Variants in PIK3R3 observed in about 807,000 individuals in gnomAD.
The protein encoded by PIK3R3 is phosphatidylinositol 3-kinase regulatory subunit gamma.
PIK3R3 carries 64 observed loss-of-function variants against 62.9 expected under a neutral mutation model. The ratio of observed to expected loss-of-function variants is 1.02; its 90% CI spans 0.83 to 1.25. PIK3R3 has a LOEUF of 1.25. Ranked by LOEUF, PIK3R3 falls within the 50% of genes most tolerant of loss-of-function variation. PIK3R3 has a pLI of 0.00. For synonymous variants in PIK3R3, 165 were observed against 189.0 expected (o/e 0.87, Z 1.04); for missense variants, 614 against 561.6 (o/e 1.09, Z -0.94).
Position 46,043,788 on chromosome 1 carries a change from G to GAGCT in PIK3R3, c.1267_1270dup (p.Ser424Ter), listed in dbSNP as rs1647040319. 1 of 1,614,054 alleles carries GAGCT rather than the reference G, an allele frequency of 6.2e-7. No homozygotes were observed. Among genetic ancestry groups the GAGCT allele is most frequent in the Admixed American group, 1.7e-5 (1 of 60,008 alleles). On this transcript the variant is annotated stop_gained and frameshift_variant, in exon 10 of 10. Transcript: ENST00000262741. LOFTEE classifies it high-confidence loss of function. The stretch of plus-strand genomic sequence containing the variant: ...GTAATGGAGCACTAGCTCCTTCAGA[G>GAGCT]AGCTGTACAGGTTGTAGGGCTCTGC...
chr1:46,173,904 G>A, the PIK3R3 span, among the ~76,000 whole-genome samples: 1 of 152,108 alleles, frequency 6.6e-6, no homozygotes, highest in South Asian at 2.1e-4. Context: ...AGGGGAGGGA[G>A]GCTTCTGGGT....
In PIK3R3 at chr1:46,040,207, G is replaced by A. The variant is rs1222277973; in HGVS notation, c.*3466C>T. 7 of 227,592 alleles carry A rather than the reference G, an allele frequency of 3.1e-5. No individual in the cohort carries two copies. Among genetic ancestry groups the A allele is most frequent in the African/African-American group, 1.6e-4 (7 of 44,930 alleles). 14.1% of individuals were successfully genotyped at this position (227,592 alleles called of 1,614,324 possible). Reference sequence around the variant, plus strand: ...GGCCAGACTGTCCCCTCTTGGGGAAGGTATTAAACAAAAAGACCAATAAGT... The same window carrying A: ...GGCCAGACTGTCCCCTCTTGGGGAAAGTATTAAACAAAAAGACCAATAAGT... On this transcript the variant is annotated 3_prime_UTR_variant, in exon 10 of 10. Transcript: ENST00000262741.
Position 46,132,472 on chromosome 1 carries a change from G to A in PIK3R3, c.-520C>T, listed in dbSNP as rs928444274. 5 of 1,199,270 alleles carry A rather than the reference G, an allele frequency of 4.2e-6. No homozygotes were observed. Among genetic ancestry groups the A allele is most frequent in the Non-Finnish European group, 4.2e-6 (4 of 946,202 alleles). The allele number at this position is 1,199,270 out of a possible 1,614,324, so 74.3% of individuals were successfully genotyped here. A position where few individuals can be genotyped will look rare whatever the true frequency, so the allele number is the denominator to read the frequency against. On this transcript the variant is annotated 5_prime_UTR_variant, in exon 1 of 10. Transcript: ENST00000262741. ...GCAGAGAGCGAATCCCCCAGAGGCC[G>A]GGACTCGGGCTCCTCTCCGGTCGGT...
chr1:46,125,906 G>C (rs1006516331), intron 1 of PIK3R3, among the ~76,000 whole-genome samples: 1 of 151,816 alleles, frequency 6.6e-6, no homozygotes, highest in African/African-American at 2.4e-5. Flanking sequence ...GACTACAGGC[G>C]CCCGCCACCA....
At chr1:46,172,984 C>A in the PIK3R3 span, among the ~76,000 whole-genome samples, 1 of 151,668 alleles carries the variant, frequency 6.6e-6, no homozygotes, top group Admixed American at 6.6e-5. Context: ...CAGAGCCAGG[C>A]GCTGTCTCAA....
intron 1 of PIK3R3, among the ~76,000 whole-genome samples, chr1:46,103,873 C>G (rs1331285856): frequency 6.6e-6 from 1 of 151,900 alleles, no homozygotes; most frequent in Non-Finnish European, 1.5e-5. Flanking sequence ...GGATTACAGG[C>G]ATGAACCACC....
intron 1 of PIK3R3, among the ~76,000 whole-genome samples, chr1:46,126,546 A>AAAAAAACC (rs1655110196): frequency 6.6e-6 from 1 of 152,110 alleles, no homozygotes; most frequent in Non-Finnish European, 1.5e-5. Context: ...TCAAAAAAAA[A>AAAAAAACC]AAAAAACCAA....
intron 1 of PIK3R3, among the ~76,000 whole-genome samples, chr1:46,125,195 A>C (rs578262324): frequency 3.9e-5 from 6 of 152,334 alleles, no homozygotes; most frequent in Non-Finnish European, 8.8e-5. Flanking sequence ...TGGGAGAATC[A>C]CCATACTTCT....
Position 46,132,530 on chromosome 1 carries a change from G to A in PIK3R3, c.-578C>T. ...CCGAAGCTGCCGCAGCCTCGGGAAT[G>A]GGGCCGGCCGGAGAAGTCCAGTCAG... On this transcript the variant is annotated 5_prime_UTR_variant, in exon 1 of 10. Coordinates refer to ENST00000262741, the MANE Select transcript of PIK3R3 (RefSeq NM_003629.4). 1 of 1,244,096 alleles carries A rather than the reference G, an allele frequency of 8.0e-7. No individual in the cohort carries two copies. Among genetic ancestry groups the A allele is most frequent in the Non-Finnish European group, 1.0e-6 (1 of 966,100 alleles). 77.1% of individuals were successfully genotyped at this position (1,244,096 alleles called of 1,614,324 possible). A position where few individuals can be genotyped will look rare whatever the true frequency, so the allele number is the denominator to read the frequency against.
chr1:46,041,771 G>T lies in PIK3R3; in HGVS notation c.*1902C>A, dbSNP rs1260924116. The T allele has an allele frequency of 9.7e-6, 2 of 206,272 alleles. No homozygotes were observed. The highest frequency in any genetic ancestry group is 2.0e-5 in the Non-Finnish European group (2 of 100,790). The allele number at this position is 206,272 out of a possible 1,614,324, so 12.8% of individuals were successfully genotyped here. Reference sequence around the variant, plus strand: ...TGGCTATTAGTTAAATGACTTTAGAGGGGGGTTCATTTGTCTCTGTCTCAC... The same window carrying T: ...TGGCTATTAGTTAAATGACTTTAGATGGGGGTTCATTTGTCTCTGTCTCAC... On this transcript the variant is annotated 3_prime_UTR_variant, in exon 10 of 10. Transcript: ENST00000262741.
the PIK3R3 span, among the ~76,000 whole-genome samples, chr1:46,145,137 AAAAG>A: frequency 1.1e-4 from 17 of 151,716 alleles, no homozygotes; most frequent in Admixed American, 1.3e-4. Context: ...AAAAAAAAAA[AAAAG>A]AAGAAGACTG....
intron 1 of PIK3R3, among the ~76,000 whole-genome samples, chr1:46,113,218 A>T (rs1350034198): frequency 1.3e-5 from 2 of 151,998 alleles, no homozygotes; most frequent in Non-Finnish European, 2.9e-5. Flanking sequence ...TCAACCCCTA[A>T]ATATAGCCTT....
chr1:46,102,679 T>C (rs1346821113), intron 1 of PIK3R3, among the ~76,000 whole-genome samples: 1 of 151,944 alleles, frequency 6.6e-6, no homozygotes, highest in Non-Finnish European at 1.5e-5. Context: ...CTGGAACCCT[T>C]GAGCACTGTT....
intron 1 of PIK3R3, among the ~76,000 whole-genome samples, chr1:46,095,485 A>C (rs1652030366): frequency 6.6e-6 from 1 of 152,176 alleles, no homozygotes; most frequent in African/African-American, 2.4e-5. Flanking sequence ...GGCAGGGAAC[A>C]ACACACTCTG....
intron 1 of PIK3R3, among the ~76,000 whole-genome samples, chr1:46,081,244 A>G (rs1019166845): frequency 2.6e-5 from 4 of 152,210 alleles, no homozygotes. Flanking sequence ...CTAGAATTAG[A>G]GCTACAGATA....
Position 46,131,996 on chromosome 1 carries a change from A to AT in PIK3R3, c.-45dup. 6.3e-7 allele frequency: 1 copy of AT among 1,592,150 alleles called. No individual in the cohort carries two copies. The highest frequency in any genetic ancestry group is 1.7e-4 in the Middle Eastern group (1 of 5,950). On this transcript the variant is annotated 5_prime_UTR_variant, in exon 1 of 10. Transcript: ENST00000262741. ...TCGCCAGGAGATATATAGAAGGCAT[A>AT]TATTTTTTATCTGGTATTTAAAAAT...
chr1:46,157,734 G>A, the PIK3R3 span, among the ~76,000 whole-genome samples: 2 of 152,232 alleles, frequency 1.3e-5, no homozygotes, highest in African/African-American at 4.8e-5. Flanking sequence ...GGTCTTTGAA[G>A]GACTGGGTGA....
At chr1:46,147,446 T>A in the PIK3R3 span, among the ~76,000 whole-genome samples, 1 of 147,724 alleles carries the variant, frequency 6.8e-6, no homozygotes, top group Non-Finnish European at 1.5e-5. Context: ...TGAGACGGAG[T>A]CTCGCTCTGT....
At chr1:46,101,581 A>G (rs979845883) in intron 1 of PIK3R3, among the ~76,000 whole-genome samples, 1 of 152,250 alleles carries the variant, frequency 6.6e-6, no homozygotes, top group African/African-American at 2.4e-5. Context: ...AATGTGGTCT[A>G]TATGTACAAT....
Sources: gnomAD v4.1 joint callset for allele counts (sites outside exome capture counted in the v4.1 genomes callset) on GRCh38, gnomAD v4.1.1 for gene constraint, MANE v1.5 for transcripts, NCBI Gene and HGNC (gene_info 2026-07-23, HGNC 2026-07-21) for gene names.